ATXN7L1: variants seen among roughly 807,000 people sequenced by gnomAD.
The protein encoded by ATXN7L1 is ataxin 7 like 1, also known as ataxin-7-like protein 1.
In ATXN7L1, 15 loss-of-function variants were observed where a neutral mutation model predicts 70.8. The ratio of observed to expected loss-of-function variants is 0.21; its 90% CI spans 0.14 to 0.33. The LOEUF (loss-of-function observed/expected upper bound fraction) is 0.33. Ranked by LOEUF, ATXN7L1 falls within the 10% of genes least tolerant of loss-of-function variation. The probability of loss-of-function intolerance (pLI) is 1.00; values close to 1 mark genes in which losing one functional copy is unlikely to be tolerated. For missense variants in ATXN7L1, 975 were observed against 1,097.1 expected (o/e 0.89, Z 1.57); for synonymous variants, 440 against 445.1 (o/e 0.99, Z 0.14).
chr7:105,608,631 C>T (rs148450945), intron 11 of ATXN7L1, among the ~76,000 whole-genome samples: 1,891 of 152,254 alleles, frequency 0.012, 27 homozygotes, highest in Non-Finnish European at 0.02. Flanking sequence ...CAGAGGCTGA[C>T]GGCCTGAGTA....
intron 2 of ATXN7L1, among the ~76,000 whole-genome samples, chr7:105,861,525 C>T (rs1287622891): frequency 6.6e-6 from 1 of 151,822 alleles, no homozygotes. Context: ...AACGCACAGG[C>T]TCGGCTTGCT....
intron 3 of ATXN7L1, among the ~76,000 whole-genome samples, chr7:105,731,783 G>T (rs1221157520): frequency 7.0e-6 from 1 of 143,590 alleles, no homozygotes; most frequent in Non-Finnish European, 1.6e-5. Context: ...GAAAAGAAAA[G>T]AAAAGAAAAG....
intron 2 of ATXN7L1, among the ~76,000 whole-genome samples, chr7:105,845,701 A>G (rs1357681862): frequency 6.6e-6 from 1 of 152,188 alleles, no homozygotes; most frequent in Non-Finnish European, 1.5e-5. Context: ...TGGCATTAGG[A>G]TATATAGATC....
At chr7:105,865,250 T>C (rs1416448685) in intron 2 of ATXN7L1, among the ~76,000 whole-genome samples, 1 of 152,178 alleles carries the variant, frequency 6.6e-6, no homozygotes, top group Non-Finnish European at 1.5e-5. Flanking sequence ...ATTCCTACTC[T>C]GGAAAAGAAA....
At chr7:105,739,033 C>T (rs1797719800) in intron 3 of ATXN7L1, among the ~76,000 whole-genome samples, 2 of 152,108 alleles carry the variant, frequency 1.3e-5, no homozygotes, top group South Asian at 2.1e-4. Flanking sequence ...ATAAATGATA[C>T]AGTGGAAAAT....
chr7:105,870,394 ATCTTT>A (rs1014944137), intron 2 of ATXN7L1, among the ~76,000 whole-genome samples: 23 of 152,262 alleles, frequency 1.5e-4, no homozygotes, highest in Middle Eastern at 3.4e-3. Flanking sequence ...TCTGCTACGT[ATCTTT>A]TCTTTTCATC....
chr7:105,664,454 T>C (rs1802206248), intron 4 of ATXN7L1, among the ~76,000 whole-genome samples: 1 of 148,072 alleles, frequency 6.8e-6, no homozygotes, highest in Non-Finnish European at 1.5e-5. Context: ...TATATATATA[T>C]ATGTATGTGT....
At chr7:105,636,189 G>A (rs1371602354) in intron 7 of ATXN7L1, among the ~76,000 whole-genome samples, 1 of 152,144 alleles carries the variant, frequency 6.6e-6, no homozygotes, top group Non-Finnish European at 1.5e-5. Context: ...GAGGTTAGGA[G>A]TTTGAGACCA....
chr7:105,863,059 T>C (rs1816872526), intron 2 of ATXN7L1, among the ~76,000 whole-genome samples: 1 of 152,194 alleles, frequency 6.6e-6, no homozygotes, highest in South Asian at 2.1e-4. Context: ...TCCATCATCC[T>C]AGAGAGCACA....
At chr7:105,780,726 T>G (rs1166725048) in intron 3 of ATXN7L1, among the ~76,000 whole-genome samples, 2 of 152,146 alleles carry the variant, frequency 1.3e-5, no homozygotes, top group Non-Finnish European at 2.9e-5. Flanking sequence ...AAAAATTATT[T>G]TGAAGTGGAA....
chr7:105,788,936 G>A (rs531205612), intron 2 of ATXN7L1, among the ~76,000 whole-genome samples: 3 of 152,146 alleles, frequency 2.0e-5, no homozygotes, highest in East Asian at 1.9e-4. Context: ...AATGCACTGC[G>A]GCTGCTCCTG....
intron 3 of ATXN7L1, among the ~76,000 whole-genome samples, chr7:105,787,326 G>A (rs888218052): frequency 8.5e-5 from 13 of 152,120 alleles, no homozygotes; most frequent in Non-Finnish European, 1.5e-4. Context: ...TGCAGGGAGG[G>A]GCAGAAGACT....
At chr7:105,845,515 CT>C (rs61110572) in intron 2 of ATXN7L1, among the ~76,000 whole-genome samples, 6,412 of 138,430 alleles carry the variant, frequency 0.046, 300 homozygotes, top group Admixed American at 0.11. Context: ...AGTACCCAGT[CT>C]TTTTTTTTTT....
intron 2 of ATXN7L1, among the ~76,000 whole-genome samples, chr7:105,797,922 G>A (rs1806234813): frequency 6.6e-6 from 1 of 152,234 alleles, no homozygotes; most frequent in Non-Finnish European, 1.5e-5. Context: ...AGTCTGGCAT[G>A]TGGTAGCTGC....
At chr7:105,683,159 T>C (rs1805751519) in intron 3 of ATXN7L1, among the ~76,000 whole-genome samples, 1 of 152,214 alleles carries the variant, frequency 6.6e-6, no homozygotes, top group African/African-American at 2.4e-5. Context: ...GCTACCAATT[T>C]GGGTCCACAA....
chr7:105,786,377 C>G (rs951576665), intron 3 of ATXN7L1, among the ~76,000 whole-genome samples: 1 of 152,190 alleles, frequency 6.6e-6, no homozygotes, highest in Non-Finnish European at 1.5e-5. Context: ...GAGCCTCCTC[C>G]CTTGGCAATC....
chr7:105,607,704 A>C lies in ATXN7L1; in HGVS notation c.*148T>G. On this transcript the variant is annotated 3_prime_UTR_variant, in exon 12 of 12. Coordinates refer to ENST00000419735, the MANE Select transcript of ATXN7L1 (RefSeq NM_020725.2). ...TTTTTAACTAAAAATTGGTCAATTA[A>C]AAAAAGAAGAAGAAAGGCCAGAGTC... is the stretch of plus-strand genomic sequence containing the variant. 1.6e-6 allele frequency: 1 copy of C among 617,860 alleles called. No homozygotes were observed. Among genetic ancestry groups the C allele is most frequent in the Admixed American group, 3.0e-5 (1 of 32,828 alleles). The allele number at this position is 617,860 out of a possible 1,614,324, so 38.3% of individuals were successfully genotyped here.
chr7:105,737,526 C>T (rs1797520218), intron 3 of ATXN7L1, among the ~76,000 whole-genome samples: 1 of 125,074 alleles, frequency 8.0e-6, no homozygotes, highest in Non-Finnish European at 1.6e-5. Flanking sequence ...TACTAACGTC[C>T]CCGTGTGTGT....
intron 4 of ATXN7L1, among the ~76,000 whole-genome samples, chr7:105,646,224 C>T (rs971847830): frequency 1.3e-5 from 2 of 151,994 alleles, no homozygotes; most frequent in Non-Finnish European, 2.9e-5. Flanking sequence ...GCAGGTGGAT[C>T]GCTTGAGCTC....
Sources: gnomAD v4.1 joint callset for allele counts (sites outside exome capture counted in the v4.1 genomes callset) on GRCh38, gnomAD v4.1.1 for gene constraint, MANE v1.5 for transcripts, NCBI Gene and HGNC (gene_info 2026-07-23, HGNC 2026-07-21) for gene names.